Variants in NHLRC2 observed in about 807,000 individuals in gnomAD.
The protein encoded by NHLRC2 is NHL repeat containing 2.
In NHLRC2, 33 loss-of-function variants were observed where a neutral mutation model predicts 68.1. The ratio of observed to expected loss-of-function variants is 0.48; its 90% confidence interval spans 0.37 to 0.65. NHLRC2 has a LOEUF of 0.65. Ranked by LOEUF, NHLRC2 falls within the 30% of genes least tolerant of loss-of-function variation. The probability of loss-of-function intolerance (pLI) is 0.00; values close to 1 mark genes in which losing one functional copy is unlikely to be tolerated. For synonymous variants in NHLRC2, 311 were observed against 309.6 expected (o/e 1.00, Z -0.05); for missense variants, 761 against 853.8 (o/e 0.89, Z 1.35).
At chr10:113,859,872 C>T (rs2134686708) in intron 2 of NHLRC2, among the ~76,000 whole-genome samples, 1 of 152,244 alleles carries the variant, frequency 6.6e-6, no homozygotes, top group East Asian at 1.9e-4. Context: ...GACAATTGAG[C>T]TAGAACTTGA....
rs1479969023 is a variant in NHLRC2, at chr10:113,915,734, G to A, written c.*7198G>A. 6.3e-6 allele frequency: 1 copy of A among 158,216 alleles called. No individual in the cohort carries two copies. The highest frequency in any genetic ancestry group is 1.4e-5 in the Non-Finnish European group (1 of 72,412). 9.8% of individuals were successfully genotyped at this position (158,216 alleles called of 1,614,324 possible). ...GCTCACTGCAGCCTGGAACTCCTGG[G>A]CTCAGGATCCTTCTGCTTCGGCCTC... On this transcript the variant is annotated 3_prime_UTR_variant, in exon 11 of 11. Transcript: ENST00000369301.
intron 1 of NHLRC2, among the ~76,000 whole-genome samples, chr10:113,857,674 TTTA>T (rs1416056682): frequency 3.3e-5 from 5 of 152,286 alleles, no homozygotes; most frequent in African/African-American, 1.2e-4. Context: ...GATGCTGTAC[TTTA>T]TTATTAGTTA....
chr10:113,858,771 T>TC (rs1476430749), intron 2 of NHLRC2, 91 bp downstream of exon 2: 9 of 826,644 alleles, frequency 1.1e-5, no homozygotes, highest in Non-Finnish European at 1.7e-5. Flanking sequence ...GAATGAACAT[T>TC]TGGCAAGGCT....
chr10:113,915,058 T>C lies in NHLRC2; in HGVS notation c.*6522T>C, dbSNP rs543864215. 4.4e-6 allele frequency: 2 copies of C among 456,134 alleles called. No individual in the cohort carries two copies. Among genetic ancestry groups the C allele is most frequent in the African/African-American group, 4.0e-5 (2 of 50,062 alleles). The allele number at this position is 456,134 out of a possible 1,614,324, so 28.3% of individuals were successfully genotyped here. ...GCATCCCACCTGTTTCTGAGTGTGTTGGTTTGGTTTAATTCTTTTCAAGGG... is the reference window on the plus strand; with the variant it reads ...GCATCCCACCTGTTTCTGAGTGTGTCGGTTTGGTTTAATTCTTTTCAAGGG... On this transcript the variant is annotated 3_prime_UTR_variant, in exon 11 of 11. Coordinates refer to ENST00000369301, the MANE Select transcript of NHLRC2 (RefSeq NM_198514.4).
chr10:113,857,985 G>C (rs1845775808), intron 1 of NHLRC2, among the ~76,000 whole-genome samples: 2 of 148,224 alleles, frequency 1.3e-5, no homozygotes, highest in Non-Finnish European at 3.0e-5. Flanking sequence ...TTTATTCTCA[G>C]TAGCCCATTT....
intron 2 of NHLRC2, among the ~76,000 whole-genome samples, chr10:113,864,694 TAAA>T (rs71007440): frequency 4.3e-5 from 6 of 140,504 alleles, no homozygotes; most frequent in Admixed American, 7.0e-5. Flanking sequence ...AGACTCCGTC[TAAA>T]AAAAAAAAAA....
intron 3 of NHLRC2, among the ~76,000 whole-genome samples, chr10:113,877,316 T>C (rs1404659896): frequency 6.6e-6 from 1 of 152,022 alleles, no homozygotes; most frequent in East Asian, 1.9e-4. Context: ...ATTTCAGATG[T>C]TTTAAGTAGA....
rs1488953322 is a variant in NHLRC2, at chr10:113,858,573, A to T, written c.224A>T (p.Asp75Val). The T allele has an allele frequency of 6.2e-7, 1 of 1,609,768 alleles. No homozygotes were observed. Among genetic ancestry groups the T allele is most frequent in the African/African-American group, 1.3e-5 (1 of 74,956 alleles). The change falls in exon 2 of 11, where the codon GAT becomes GTT. Residue 75 changes from aspartate (D) to valine (V), a missense_variant. Physicochemically the swap from Asp to Val is radical, Grantham distance 152 (BLOSUM62 -3). Transcript: ENST00000369301. ...GAAGAACCTATTTCTGTCTACAAGG[A>T]TCTATGTGGAAAAATAGTCGTCCTT... is the stretch of plus-strand genomic sequence containing the variant. ...NTEEPISVYK[D>V]LCGKIVVLDF...
At chr10:113,892,960 A>G (rs972878611) in intron 5 of NHLRC2, among the ~76,000 whole-genome samples, 5 of 152,198 alleles carry the variant, frequency 3.3e-5, no homozygotes, top group African/African-American at 1.2e-4. Flanking sequence ...ATAATATAAT[A>G]TACATGTTTG....
At chr10:113,855,466 GT>G (rs1282722557) in intron 1 of NHLRC2, among the ~76,000 whole-genome samples, 1 of 150,058 alleles carries the variant, frequency 6.7e-6, no homozygotes, top group African/African-American at 2.5e-5. Flanking sequence ...CACACACAGG[GT>G]TTTTTTTTGT....
intron 4 of NHLRC2, 51 bp downstream of exon 4, chr10:113,879,746 T>C: frequency 8.6e-7 from 1 of 1,165,212 alleles, no homozygotes; most frequent in Non-Finnish European, 1.2e-6. Context: ...AAAAAGGAAA[T>C]GTATTTGCTA....
chr10:113,900,331 A>G (rs1434720116), intron 6 of NHLRC2, among the ~76,000 whole-genome samples: 1 of 152,216 alleles, frequency 6.6e-6, no homozygotes, highest in Non-Finnish European at 1.5e-5. Flanking sequence ...GAGATTACCA[A>G]TAAGATTTTA....
rs750803668 is a variant in NHLRC2, at chr10:113,858,732, A to T, written c.331+52A>T. ...CAGACTGTCCTGGCATAGTCACTGG[A>T]AGAGTGGCTGACTCATTAGCTCATA... On this transcript the variant is annotated intron_variant, in intron 2 of 10. Transcript: ENST00000369301. 5 of 1,343,138 alleles carry T rather than the reference A, an allele frequency of 3.7e-6. No homozygotes were observed. The African/African-American group carries it at 7.3e-5, about 19-fold the overall frequency. 83.2% of individuals were successfully genotyped at this position (1,343,138 alleles called of 1,614,324 possible). A position where few individuals can be genotyped will look rare whatever the true frequency, so the allele number is the denominator to read the frequency against.
chr10:113,877,017 A>C, intron 3 of NHLRC2, 41 bp downstream of exon 3: 1 of 1,209,086 alleles, frequency 8.3e-7, no homozygotes, highest in Middle Eastern at 2.0e-4. Flanking sequence ...CGTGTTTTAC[A>C]GTAAAAAAAT....
chr10:113,871,467 G>A (rs1288520816), intron 2 of NHLRC2, among the ~76,000 whole-genome samples: 1 of 151,932 alleles, frequency 6.6e-6, no homozygotes. Context: ...AATCCCCCAC[G>A]CCCCACCTCA....
At chr10:113,876,449 A>T (rs1845980779) in intron 2 of NHLRC2, 72 bp from the exon 3 acceptor site, 2 of 858,742 alleles carry the variant, frequency 2.3e-6, no homozygotes, top group Non-Finnish European at 3.5e-6. Flanking sequence ...GTGATCCAAA[A>T]CCTAATGTGT....
intron 6 of NHLRC2, among the ~76,000 whole-genome samples, chr10:113,899,230 G>A (rs1469317840): frequency 6.6e-6 from 1 of 151,926 alleles, no homozygotes; most frequent in Admixed American, 6.6e-5. Context: ...TCTGTCCCTT[G>A]TACCTAGCAC....
In NHLRC2 at chr10:113,879,639, G is replaced by A. The variant is rs75758714; in HGVS notation, c.853G>A (p.Ala285Thr). ...ESTFNSPQGV[A>T]IMNNIIYVAD... ...AACTTTTAATTCTCCACAGGGTGTAGCCATAATGAATAATATCATATATGT... is the reference window on the plus strand; with the variant it reads ...AACTTTTAATTCTCCACAGGGTGTAACCATAATGAATAATATCATATATGT... The change falls in exon 4 of 11, where the codon GCC (alanine) becomes ACC (threonine). Residue 285 changes from alanine to threonine, a missense_variant. Physicochemically the swap from Ala to Thr is moderately conservative, Grantham distance 58. Coordinates refer to ENST00000369301, the MANE Select transcript of NHLRC2 (RefSeq NM_198514.4). The A allele has an allele frequency of 1.7e-3, 2,615 of 1,572,724 alleles. 43 individuals carry two copies. In the African/African-American group the frequency reaches 0.032, roughly 19 times the overall value.
At position 113,909,744 on chromosome 10, in the gene NHLRC2, C is replaced by T. The variant is rs993401063; in HGVS notation, c.*1208C>T. On this transcript the variant is annotated 3_prime_UTR_variant, in exon 11 of 11. Transcript: ENST00000369301. ...CTACTTAAAAGCCTAATCTTGTTTT[C>T]CTTAAGACCTATTCAACATGTTTGT... 2 of 151,826 alleles carry T rather than the reference C, an allele frequency of 1.3e-5. No homozygotes were observed. Among genetic ancestry groups the T allele is most frequent in the African/African-American group, 4.8e-5 (2 of 41,350 alleles). The allele number at this position is 151,826 out of a possible 1,614,324, so 9.4% of individuals were successfully genotyped here.
Sources: gnomAD v4.1 joint callset for allele counts (sites outside exome capture counted in the v4.1 genomes callset) on GRCh38, gnomAD v4.1.1 for gene constraint, MANE v1.5 for transcripts, NCBI Gene and HGNC (gene_info 2026-07-23, HGNC 2026-07-21) for gene names.